The following SCAPER variants were observed in gnomAD, a reference collection of about 807,000 sequenced individuals.
SCAPER encodes S-phase cyclin A associated protein in the ER.
SCAPER carries 98 observed loss-of-function variants against 182.2 expected under a neutral mutation model. The ratio of observed to expected loss-of-function variants is 0.54; its 90% CI spans 0.46 to 0.64. The LOEUF is 0.64. Ranked by LOEUF, SCAPER falls within the 30% of genes least tolerant of loss-of-function variation. SCAPER has a pLI of 0.00. For synonymous variants in SCAPER, 605 were observed against 564.6 expected, an observed-to-expected ratio of 1.07 and a Z score of -1.01; for missense variants, 1,432 against 1,690.0, an observed-to-expected ratio of 0.85 and a Z score of 2.68.
chr15:76,461,309 T>C (rs1398387069), intron 25 of SCAPER, among the ~76,000 whole-genome samples: 1 of 151,406 alleles, frequency 6.6e-6, no homozygotes, highest in African/African-American at 2.4e-5. Flanking sequence ...AGGTTTTCAC[T>C]GTGAAGTTAC....
chr15:76,781,588 C>CA (rs1391547480), intron 8 of SCAPER, among the ~76,000 whole-genome samples: 9 of 152,258 alleles, frequency 5.9e-5, no homozygotes, highest in African/African-American at 1.9e-4. Context: ...ACATAATTGT[C>CA]AGATTCATCA....
intron 26 of SCAPER, among the ~76,000 whole-genome samples, chr15:76,432,197 G>A (rs996619012): frequency 6.6e-6 from 1 of 152,132 alleles, no homozygotes; most frequent in African/African-American, 2.4e-5. Flanking sequence ...CAGCAGAGAG[G>A]GCAAATTCTA....
intron 23 of SCAPER, among the ~76,000 whole-genome samples, chr15:76,539,929 C>T (rs1351981200): frequency 1.3e-5 from 2 of 152,074 alleles, no homozygotes; most frequent in Non-Finnish European, 2.9e-5. Flanking sequence ...AAAGGGATGC[C>T]TACTGAAACA....
chr15:76,483,371 A>G (rs2051310701), intron 24 of SCAPER, among the ~76,000 whole-genome samples: 2 of 152,096 alleles, frequency 1.3e-5, no homozygotes. Context: ...TATATACCTA[A>G]ATGTAAATCA....
chr15:76,435,666 G>A (rs1397041549), intron 25 of SCAPER, among the ~76,000 whole-genome samples: 1 of 152,178 alleles, frequency 6.6e-6, no homozygotes, highest in East Asian at 1.9e-4. Context: ...CTAAGAAAGA[G>A]TGCATGGGAA....
At chr15:76,707,131 A>G (rs1052511385) in intron 17 of SCAPER, among the ~76,000 whole-genome samples, 1 of 152,084 alleles carries the variant, frequency 6.6e-6, no homozygotes, top group African/African-American at 2.4e-5. Context: ...CCAAAAAGCA[A>G]CTATTAAAGT....
At chr15:76,573,903 T>G (rs935946247) in intron 23 of SCAPER, among the ~76,000 whole-genome samples, 1 of 151,970 alleles carries the variant, frequency 6.6e-6, no homozygotes, top group African/African-American at 2.4e-5. Flanking sequence ...ATAATTTCAG[T>G]TTATTTGTGT....
intron 24 of SCAPER, among the ~76,000 whole-genome samples, chr15:76,493,824 T>C (rs1171425241): frequency 6.6e-6 from 1 of 152,220 alleles, no homozygotes. Flanking sequence ...AGCTGTCAAC[T>C]GTAACCATCT....
At chr15:76,671,024 A>G (rs2056975497) in intron 20 of SCAPER, among the ~76,000 whole-genome samples, 1 of 152,178 alleles carries the variant, frequency 6.6e-6, no homozygotes, top group South Asian at 2.1e-4. Flanking sequence ...GTATATTTCT[A>G]TGAAGAAGTA....
chr15:76,862,714 G>C (rs1238166835), intron 2 of SCAPER, among the ~76,000 whole-genome samples, 181 bp from the exon 3 acceptor site: 3 of 152,228 alleles, frequency 2.0e-5, no homozygotes, highest in Non-Finnish European at 4.4e-5. Flanking sequence ...AAAACACTGA[G>C]TTTTGTAACT....
At chr15:76,648,652 A>G (rs1317961436) in intron 21 of SCAPER, among the ~76,000 whole-genome samples, 1 of 152,250 alleles carries the variant, frequency 6.6e-6, no homozygotes, top group Non-Finnish European at 1.5e-5. Context: ...AGTAAGAATA[A>G]GGAAGTCCTC....
At chr15:76,468,234 C>A (rs567157425) in intron 25 of SCAPER, among the ~76,000 whole-genome samples, 4 of 151,936 alleles carry the variant, frequency 2.6e-5, no homozygotes, top group Non-Finnish European at 5.9e-5. Flanking sequence ...TGCCACAAAC[C>A]CAGTTACAGC....
At chr15:76,718,523 C>T (rs1025122844) in intron 17 of SCAPER, among the ~76,000 whole-genome samples, 1 of 151,976 alleles carries the variant, frequency 6.6e-6, no homozygotes, top group Non-Finnish European at 1.5e-5. Flanking sequence ...CACCTATAAT[C>T]CCAGCTACTC....
At chr15:76,825,580 A>G (rs1389733435) in intron 5 of SCAPER, among the ~76,000 whole-genome samples, 1 of 152,254 alleles carries the variant, frequency 6.6e-6, no homozygotes, top group East Asian at 1.9e-4. Flanking sequence ...CATTGAGACA[A>G]ACATGCACAG....
chr15:76,660,992 A>T (rs74026036), intron 21 of SCAPER, among the ~76,000 whole-genome samples: 7,624 of 152,252 alleles, frequency 0.05, 229 homozygotes, highest in South Asian at 0.12. Flanking sequence ...ACACTTATAC[A>T]CTAAAAATCA....
chr15:76,566,596 G>A (rs2047052793), intron 23 of SCAPER, among the ~76,000 whole-genome samples: 1 of 152,086 alleles, frequency 6.6e-6, no homozygotes, highest in South Asian at 2.1e-4. Flanking sequence ...TCATCACAAA[G>A]TAATGAGAAA....
intron 24 of SCAPER, among the ~76,000 whole-genome samples, chr15:76,483,653 C>G (rs962252885): frequency 8.6e-5 from 13 of 151,850 alleles, no homozygotes; most frequent in African/African-American, 3.1e-4. Context: ...CAACTTAATA[C>G]GAAGACAAAA....
intron 3 of SCAPER, among the ~76,000 whole-genome samples, chr15:76,861,200 T>C (rs2071832734): frequency 6.6e-6 from 1 of 152,140 alleles, no homozygotes; most frequent in African/African-American, 2.4e-5. Flanking sequence ...TAAAAAGTAG[T>C]GAGTGTACTG....
intron 23 of SCAPER, among the ~76,000 whole-genome samples, chr15:76,549,007 C>A (rs75430212): frequency 0.066 from 10,070 of 152,152 alleles, 368 homozygotes; most frequent in Middle Eastern, 0.11. Flanking sequence ...AGTGAACAGG[C>A]AACCTACAGA....
Sources: gnomAD v4.1 joint callset for allele counts (sites outside exome capture counted in the v4.1 genomes callset) on GRCh38, gnomAD v4.1.1 for gene constraint, MANE v1.5 for transcripts, NCBI Gene and HGNC (gene_info 2026-07-23, HGNC 2026-07-21) for gene names.